SMIM20: variants seen among roughly 807,000 people sequenced by gnomAD.
The protein encoded by SMIM20 is small integral membrane protein 20.
In SMIM20, 3 loss-of-function variants were observed where a neutral mutation model predicts 8.7. The ratio of observed to expected loss-of-function variants is 0.34; its 90% confidence interval spans 0.16 to 0.89. The LOEUF (loss-of-function observed/expected upper bound fraction) is 0.89. Among genes scored for constraint, SMIM20 ranks in the 40% least tolerant of loss-of-function variants. The probability of loss-of-function intolerance (pLI) is 0.49; values close to 1 mark genes in which losing one functional copy is unlikely to be tolerated. For missense variants in SMIM20, 85 were observed against 84.8 expected (o/e 1.00, Z -0.01); for synonymous variants, 44 against 33.6 (o/e 1.31, Z -1.07).
At chr4:25,916,264 G>T (rs1009965536) in intron 1 of SMIM20, among the ~76,000 whole-genome samples, 1 of 151,936 alleles carries the variant, frequency 6.6e-6, no homozygotes, top group African/African-American at 2.4e-5. Context: ...AGGCTGGAGT[G>T]CAGTGGCCTG....
Position 25,914,351 on chromosome 4 carries a change from G to T in SMIM20, c.38G>T (p.Gly13Val). ...CTGCGCACCGCGCTCATTTTCGGCG[G>T]CTTCATCTCCCTGATCGGCGCCGCC... is the stretch of plus-strand genomic sequence containing the variant. ...RNLRTALIFG[G>V]FISLIGAAFY... The change falls in exon 1 of 3, where the codon GGC (glycine) becomes GTC (valine). Residue 13 changes from glycine (G) to valine (V), a missense_variant. Gly to Val is a moderately radical substitution (Grantham distance 109, BLOSUM62 -3). Transcript: ENST00000506197. 1 of 1,550,552 alleles carries T rather than the reference G, an allele frequency of 6.4e-7. No individual in the cohort carries two copies.
At chr4:25,914,583 T>G (rs1719042338) in intron 1 of SMIM20, among the ~76,000 whole-genome samples, 161 bp downstream of exon 1, 1 of 152,184 alleles carries the variant, frequency 6.6e-6, no homozygotes, top group Non-Finnish European at 1.5e-5. Flanking sequence ...GACAAGTTGC[T>G]CAACCTCTAG....
intron 1 of SMIM20, among the ~76,000 whole-genome samples, chr4:25,917,985 C>T (rs1577360150): frequency 6.7e-6 from 1 of 149,794 alleles, no homozygotes; most frequent in African/African-American, 2.5e-5. Context: ...CTCTTTCGCC[C>T]AGGCTGGAGT....
At chr4:25,914,470 C>G in intron 1 of SMIM20, 48 bp downstream of exon 1, 1 of 1,400,570 alleles carries the variant, frequency 7.1e-7, no homozygotes, top group Non-Finnish European at 9.4e-7. Flanking sequence ...CCAACACACA[C>G]ACCTCCCCTC....
intron 1 of SMIM20, among the ~76,000 whole-genome samples, chr4:25,915,546 T>C (rs1719068354): frequency 6.6e-6 from 1 of 152,206 alleles, no homozygotes; most frequent in African/African-American, 2.4e-5. Context: ...CCTTGTAGCT[T>C]CTTTTCATTA....
chr4:25,924,110 G>T (rs117298746), intron 1 of SMIM20, among the ~76,000 whole-genome samples: 1 of 152,098 alleles, frequency 6.6e-6, no homozygotes, highest in African/African-American at 2.4e-5. Context: ...GCTTCCCCTT[G>T]GCCCCTGGTT....
In SMIM20 at chr4:25,920,921, G is replaced by A. The variant is rs116893982; in HGVS notation, c.109+6499G>A. On this transcript the variant is annotated intron_variant, in intron 1 of 2. Transcript: ENST00000506197. ...ATAGGCTATATCACATAGCCTGGGTGTGTAGTAGGCTACACTGTCTAGGTT... is the reference window on the plus strand; with the variant it reads ...ATAGGCTATATCACATAGCCTGGGTATGTAGTAGGCTACACTGTCTAGGTT... 2.6e-5 allele frequency among the ~76,000 whole-genome samples: 4 copies of A among 152,328 alleles called. No individual in the cohort carries two copies. In the East Asian group the frequency reaches 7.7e-4, roughly 29 times the overall value.
Position 25,914,247 on chromosome 4 carries a change from CG to C in SMIM20, c.-66del. 1 of 1,511,268 alleles carries C rather than the reference CG, an allele frequency of 6.6e-7. No individual in the cohort carries two copies. The highest frequency in any genetic ancestry group is 8.9e-7 in the Non-Finnish European group (1 of 1,123,456). 93.6% of individuals were successfully genotyped at this position (1,511,268 alleles called of 1,614,324 possible). ...CTTCCGAGCGGGGTCACGGCCCGGC[CG>C]TCGGTAACCTGGTTTCCGAGAGTGC... is the stretch of plus-strand genomic sequence containing the variant. On this transcript the variant is annotated 5_prime_UTR_variant, in exon 1 of 3. Transcript: ENST00000506197.
At chr4:25,923,808 C>T (rs1383137799) in intron 1 of SMIM20, among the ~76,000 whole-genome samples, 1 of 152,244 alleles carries the variant, frequency 6.6e-6, no homozygotes, top group East Asian at 1.9e-4. Flanking sequence ...ATATGCTTTT[C>T]AGTCCTTTCA....
At chr4:25,921,504 CA>C (rs1223001467) in intron 1 of SMIM20, among the ~76,000 whole-genome samples, 1 of 152,162 alleles carries the variant, frequency 6.6e-6, no homozygotes, top group Non-Finnish European at 1.5e-5. Context: ...CTAGAAAACA[CA>C]AGAAGGAATT....
At chr4:25,921,674 A>G (rs573161054) in intron 1 of SMIM20, among the ~76,000 whole-genome samples, 5 of 152,324 alleles carry the variant, frequency 3.3e-5, no homozygotes, top group South Asian at 4.1e-4. Context: ...GAGATGGGGC[A>G]TCATCAGCAC....
At chr4:25,919,429 C>T (rs1185436943) in intron 1 of SMIM20, among the ~76,000 whole-genome samples, 3 of 151,708 alleles carry the variant, frequency 2.0e-5, no homozygotes, top group Non-Finnish European at 2.9e-5. Flanking sequence ...ACCTCTGCCT[C>T]CTGGATTCAA....
At chr4:25,916,770 G>T (rs1719100149) in intron 1 of SMIM20, among the ~76,000 whole-genome samples, 1 of 152,092 alleles carries the variant, frequency 6.6e-6, no homozygotes, top group Non-Finnish European at 1.5e-5. Flanking sequence ...TGGCCAGGCT[G>T]GTCTTAAACA....
chr4:25,918,604 A>G lies in SMIM20; in HGVS notation c.109+4182A>G, dbSNP rs538357986. Among the ~76,000 whole-genome samples, 5 of 151,086 alleles carry G rather than the reference A, an allele frequency of 3.3e-5. No individual in the cohort carries two copies. The East Asian group carries it at 5.9e-4, about 18-fold the overall frequency. On this transcript the variant is annotated intron_variant, in intron 1 of 2. Coordinates refer to ENST00000506197, the MANE Select transcript of SMIM20 (RefSeq NM_001145432.3). ...TAGCTCACTGCAACCTCCGCTTCCC[A>G]GGTTCTAGTAATTCTCCTGCCTCAG...
intron 1 of SMIM20, 151 bp from the exon 2 acceptor site, chr4:25,928,162 C>A (rs746967457): frequency 3.0e-6 from 2 of 659,830 alleles, no homozygotes; most frequent in African/African-American, 1.9e-5. Context: ...ACTTCCACAA[C>A]CTAAAAGCTT....
rs1425225000 is a variant in SMIM20, at chr4:25,914,239, G to T, written c.-75G>T. 7.3e-6 allele frequency: 11 copies of T among 1,508,114 alleles called. No individual in the cohort carries two copies. The highest frequency in any genetic ancestry group is 1.3e-5 in the South Asian group (1 of 79,880). 93.4% of individuals were successfully genotyped at this position (1,508,114 alleles called of 1,614,324 possible). ...CTCCACCTCTTCCGAGCGGGGTCAC[G>T]GCCCGGCCGTCGGTAACCTGGTTTC... On this transcript the variant is annotated 5_prime_UTR_variant, in exon 1 of 3. Coordinates refer to ENST00000506197, the MANE Select transcript of SMIM20 (RefSeq NM_001145432.3).
chr4:25,927,057 T>C lies in SMIM20; in HGVS notation c.110-1256T>C, dbSNP rs143855709. Among the ~76,000 whole-genome samples, 28 of 152,336 alleles carry C rather than the reference T, an allele frequency of 1.8e-4. No homozygotes were observed. The East Asian group carries it at 5.4e-3, about 29-fold the overall frequency. On this transcript the variant is annotated intron_variant, in intron 1 of 2. Coordinates refer to ENST00000506197, the MANE Select transcript of SMIM20 (RefSeq NM_001145432.3). ...GTCTAACACTTTAGAGGCTCCATAATATCCACTCTAAATGGAAGAAATCTT... is the reference window on the plus strand; with the variant it reads ...GTCTAACACTTTAGAGGCTCCATAACATCCACTCTAAATGGAAGAAATCTT...
intron 1 of SMIM20, among the ~76,000 whole-genome samples, chr4:25,915,843 A>C: frequency 1.2e-5 from 1 of 80,136 alleles, no homozygotes; most frequent in Non-Finnish European, 2.3e-5. Flanking sequence ...TTTGCTTGTC[A>C]CAACTTGGGA....
rs59927307 is a variant in SMIM20 at position 25,929,283 on chromosome 4, C to T, written c.*92C>T. The T allele has an allele frequency of 2.3e-4, 321 of 1,366,520 alleles. 1 individual carries two copies. In the East Asian group the frequency reaches 7.0e-3, roughly 30 times the overall value. 84.6% of individuals were successfully genotyped at this position (1,366,520 alleles called of 1,614,324 possible). On this transcript the variant is annotated 3_prime_UTR_variant, in exon 3 of 3. Coordinates refer to ENST00000506197, the MANE Select transcript of SMIM20 (RefSeq NM_001145432.3). ...AGCCAGTCACCTCACCAGAGAATGA[C>T]GGCTGGAGAAGAAAACTCTGTAATA...
Sources: gnomAD v4.1 joint callset for allele counts (sites outside exome capture counted in the v4.1 genomes callset) on GRCh38, gnomAD v4.1.1 for gene constraint, MANE v1.5 for transcripts, NCBI Gene and HGNC (gene_info 2026-07-23, HGNC 2026-07-21) for gene names.